The following UBE4B variants were observed in gnomAD, a reference collection of about 807,000 sequenced individuals.
UBE4B encodes ubiquitin conjugation factor E4 B.
In UBE4B, 27 loss-of-function variants were observed where a neutral mutation model predicts 148.1. The observed-to-expected ratio is 0.18, with a 90% CI of 0.13 to 0.25. The LOEUF is 0.25. Ranked by LOEUF, UBE4B falls within the 10% of genes least tolerant of loss-of-function variation. The pLI is 1.00. For missense variants in UBE4B, 1,170 were observed against 1,662.4 expected, an observed-to-expected ratio of 0.70 and a Z score of 5.15; for synonymous variants, 596 against 619.3, an observed-to-expected ratio of 0.96 and a Z score of 0.56.
In UBE4B at chr1:10,117,502, G is replaced by T; in HGVS notation, c.1240G>T (p.Asp414Tyr). 6.2e-7 allele frequency: 1 copy of T among 1,612,384 alleles called. No homozygotes were observed. The highest frequency in any genetic ancestry group is 1.1e-5 in the South Asian group (1 of 90,856). The part of the protein sequence containing the change: ...GGASNWDSYS[D>Y]HFTIETCKET... ...AGCAAGTAATTGGGATTCCTACAGTGACCATTTCACCATTGAAACCTGCAA... is the reference window on the plus strand; with the variant it reads ...AGCAAGTAATTGGGATTCCTACAGTTACCATTTCACCATTGAAACCTGCAA... Residue 414 changes from aspartate to tyrosine, a missense_variant, in exon 8 of 28, where the codon GAC becomes TAC. This residue lies in a region of UBE4B where 388 missense variants were observed against 536.0 expected (regional missense o/e 0.72). Transcript: ENST00000343090.
chr1:10,093,999 G>GT (rs1000966659), intron 2 of UBE4B, among the ~76,000 whole-genome samples: 3 of 151,862 alleles, frequency 2.0e-5, no homozygotes, highest in Admixed American at 2.0e-4. Context: ...CCAGCCAATG[G>GT]TTTTTTTAAA....
At chr1:10,154,551 C>A (rs1033456041) in intron 21 of UBE4B, among the ~76,000 whole-genome samples, 6 of 151,896 alleles carry the variant, frequency 4.0e-5, no homozygotes, top group African/African-American at 1.5e-4. Context: ...ATAATAAAAA[C>A]AACTGGCCGG....
At chr1:10,178,467 T>C (rs1646459820) in intron 25 of UBE4B, among the ~76,000 whole-genome samples, 177 bp from the exon 26 acceptor site, 1 of 152,194 alleles carries the variant, frequency 6.6e-6, no homozygotes, top group Non-Finnish European at 1.5e-5. Context: ...TGCATACTTT[T>C]ATGAGGCTAT....
chr1:10,044,070 GCT>G (rs1320562498), intron 1 of UBE4B, among the ~76,000 whole-genome samples: 1 of 151,294 alleles, frequency 6.6e-6, no homozygotes, highest in Admixed American at 6.6e-5. Context: ...ACAGAGTCTT[GCT>G]CTGTTACTCA....
chr1:10,147,153 C>A (rs1445287170), intron 19 of UBE4B, 63 bp downstream of exon 19: 1 of 1,602,068 alleles, frequency 6.2e-7, no homozygotes, highest in Non-Finnish European at 8.5e-7. Context: ...TCTTTATTGT[C>A]CTTCAAAGTT....
chr1:10,147,176 C>G, intron 19 of UBE4B, 86 bp downstream of exon 19: 1 of 1,578,268 alleles, frequency 6.3e-7, no homozygotes, highest in South Asian at 1.1e-5. Flanking sequence ...TAACTAAAAC[C>G]AAAACCCTTT....
At chr1:10,117,432 C>T in intron 7 of UBE4B, 27 bp from the exon 8 acceptor site, 3 of 1,606,384 alleles carry the variant, frequency 1.9e-6, no homozygotes, top group Non-Finnish European at 2.5e-6. Context: ...AGATAAGAAT[C>T]AGAATTTCTT....
chr1:10,117,449 T>A lies in UBE4B; in HGVS notation c.1197-10T>A. The A allele has an allele frequency of 6.2e-7, 1 of 1,604,188 alleles. No homozygotes were observed. The highest frequency in any genetic ancestry group is 8.5e-7 in the Non-Finnish European group (1 of 1,177,696). On this transcript the variant is annotated splice_polypyrimidine_tract_variant and intron_variant, in intron 7 of 27. Coordinates refer to ENST00000343090, the MANE Select transcript of UBE4B (RefSeq NM_001105562.3). Reference sequence around the variant, plus strand: ...ATAAGAATCAGAATTTCTTCTTGTCTTCTCTGAAGTTTGGGAGCCTCTGGT... The same window carrying A: ...ATAAGAATCAGAATTTCTTCTTGTCATCTCTGAAGTTTGGGAGCCTCTGGT...
chr1:10,054,693 G>T, intron 1 of UBE4B: 1 of 263,986 alleles, frequency 3.8e-6, no homozygotes, highest in Non-Finnish European at 7.4e-6. Context: ...TAACATTGTA[G>T]ACTCTTCCAG....
chr1:10,119,868 C>A (rs1215747257), intron 9 of UBE4B, among the ~76,000 whole-genome samples: 2 of 152,204 alleles, frequency 1.3e-5, no homozygotes, highest in African/African-American at 2.4e-5. Context: ...TTGAAATAGA[C>A]CATTGTTGAA....
chr1:10,119,540 C>G lies in UBE4B; in HGVS notation c.1366C>G (p.Leu456Val). 2 of 1,613,810 alleles carry G rather than the reference C, an allele frequency of 1.2e-6. No individual in the cohort carries two copies. The highest frequency in any genetic ancestry group is 1.7e-6 in the Non-Finnish European group (2 of 1,179,764). The change falls in exon 9 of 28, where the codon CTT (leucine) becomes GTT (valine). Residue 456 changes from leucine (L) to valine (V), a missense_variant. Coordinates refer to ENST00000343090, the MANE Select transcript of UBE4B (RefSeq NM_001105562.3). ...KMCSQPAVSQ[L>V]LSNIRSQCIS... ...GTGCAGCCAGCCAGCAGTCAGCCAG[C>G]TTCTGAGCAACATCCGCTCACAGTG...
At chr1:10,154,522 A>G (rs567629425) in intron 21 of UBE4B, among the ~76,000 whole-genome samples, 64 of 152,306 alleles carry the variant, frequency 4.2e-4, no homozygotes, top group African/African-American at 1.5e-3. Flanking sequence ...AGCATTATTT[A>G]TAAAGCAGTG....
chr1:10,087,766 T>C (rs1350085681), intron 2 of UBE4B, among the ~76,000 whole-genome samples: 1 of 152,222 alleles, frequency 6.6e-6, no homozygotes, highest in Non-Finnish European at 1.5e-5. Context: ...TTAGTATTTT[T>C]CCCTTTCCAT....
intron 15 of UBE4B, among the ~76,000 whole-genome samples, chr1:10,133,723 C>T (rs947819538): frequency 2.6e-5 from 4 of 151,898 alleles, no homozygotes; most frequent in South Asian, 2.1e-4. Flanking sequence ...CCAGCCCTGG[C>T]GACATAATGA....
rs773320070 is a variant in UBE4B at position 10,107,421 on chromosome 1, G to A, written c.1196+838G>A. 46 of 1,249,402 alleles carry A rather than the reference G, an allele frequency of 3.7e-5. No homozygotes were observed. In the South Asian group the frequency reaches 6.0e-4, roughly 16 times the overall value. 77.4% of individuals were successfully genotyped at this position (1,249,402 alleles called of 1,614,324 possible). ...ACCCCTGCATGTGCGTAGATGCTTA[G>A]GAACTAACTTCTATAAGCTCTAACA... On this transcript the variant is annotated intron_variant, in intron 7 of 27. Coordinates refer to ENST00000343090, the MANE Select transcript of UBE4B (RefSeq NM_001105562.3).
intron 4 of UBE4B, among the ~76,000 whole-genome samples, chr1:10,101,498 CTTTTTTTTT>C (rs34066776): frequency 5.3e-5 from 3 of 56,180 alleles, no homozygotes; most frequent in African/African-American, 1.5e-4. Flanking sequence ...TGGTCTTTTG[CTTTTTTTTT>C]TTTTTTTTTT....
At chr1:10,111,248 C>A (rs916115030) in intron 7 of UBE4B, among the ~76,000 whole-genome samples, 2 of 151,924 alleles carry the variant, frequency 1.3e-5, no homozygotes, top group African/African-American at 2.4e-5. Flanking sequence ...ACACACACCC[C>A]CACACCAAGC....
chr1:10,044,279 T>C (rs1643872443), intron 1 of UBE4B, among the ~76,000 whole-genome samples: 1 of 151,922 alleles, frequency 6.6e-6, no homozygotes, highest in Admixed American at 6.6e-5. Flanking sequence ...GATCTTGAAC[T>C]CCTGACCTCA....
chr1:10,113,235 T>A (rs1334901968), intron 7 of UBE4B, among the ~76,000 whole-genome samples: 3 of 152,130 alleles, frequency 2.0e-5, no homozygotes, highest in Admixed American at 6.5e-5. Flanking sequence ...CAGACTCTTT[T>A]AAACAACCAG....
Sources: gnomAD v4.1 joint callset for allele counts (sites outside exome capture counted in the v4.1 genomes callset) on GRCh38, gnomAD v4.1.1 for gene constraint, gnomAD v4.1.1 regional missense constraint, MANE v1.5 for transcripts, NCBI Gene and HGNC (gene_info 2026-07-23, HGNC 2026-07-21) for gene names.